Variants in MED12 observed in about 807,000 individuals in gnomAD.
MED12 encodes the protein mediator complex subunit 12.
A neutral mutation model predicts 177.7 loss-of-function variants in MED12; 10 were observed. The ratio of observed to expected loss-of-function variants is 0.06; its 90% CI spans 0.03 to 0.10. The LOEUF (loss-of-function observed/expected upper bound fraction) is 0.10. MED12 is among the 10% of genes least tolerant of loss of function. MED12 has a pLI of 1.00. For missense variants in MED12, 867 were observed against 1,780.8 expected (o/e 0.49, Z 9.23); for synonymous variants, 641 against 678.4 (o/e 0.94, Z 0.86).
chrX:71,140,518 G>A (rs988395976), intron 41 of MED12, 117 bp from the exon 42 acceptor site: 30 of 1,174,566 alleles, frequency 2.6e-5, no homozygotes, highest in African/African-American at 3.5e-5. Flanking sequence ...TTAGTGACAC[G>A]AGGAATGAAT....
At chrX:71,137,511 G>A in intron 39 of MED12, 47 bp from the exon 40 acceptor site, 1 of 1,168,045 alleles carries the variant, frequency 8.6e-7, no homozygotes, top group Admixed American at 2.2e-5. Context: ...AGATGAGATG[G>A]CAGCAAGCAT....
At chrX:71,141,424 G>A (rs1019769830) in intron 43 of MED12, 54 bp downstream of exon 43, 8 of 1,155,222 alleles carry the variant, frequency 6.9e-6, no homozygotes, top group African/African-American at 1.8e-5. Flanking sequence ...GGTTGGGCAC[G>A]CAGCCAGTGA....
Position 71,128,991 on chromosome X carries a change from A to G in MED12, c.3476-123A>G, listed in dbSNP as rs1001775782. ...ATATTATCTTGCTTTTTCTCCTTTC[A>G]CTTTACCTCATCTTCTCTCCCATGC... is the stretch of plus-strand genomic sequence containing the variant. On this transcript the variant is annotated intron_variant, in intron 24 of 44. Coordinates refer to ENST00000374080, the MANE Select transcript of MED12 (RefSeq NM_005120.3). The G allele has an allele frequency of 3.6e-5, 22 of 603,932 alleles. No individual in the cohort carries two copies. The African/African-American group carries it at 4.5e-4, about 12-fold the overall frequency. The allele number at this position is 603,932 out of a possible 1,213,427, so 49.8% of individuals were successfully genotyped here.
At chrX:71,122,078 C>G in intron 7 of MED12, 122 bp from the exon 8 acceptor site, 1 of 966,207 alleles carries the variant, frequency 1.0e-6, no homozygotes, top group Non-Finnish European at 1.5e-6. Context: ...TGGAGTGATG[C>G]CTGTCTTGGG....
At chrX:71,136,703 A>T in intron 37 of MED12, 48 bp downstream of exon 37, 2 of 1,200,501 alleles carry the variant, frequency 1.7e-6, no homozygotes, top group Non-Finnish European at 2.2e-6. Context: ...TCACTTCATG[A>T]CGCTCCGGTT....
At chrX:71,133,322 C>A (rs1344457541) in intron 33 of MED12, 110 bp downstream of exon 33, 2 of 525,298 alleles carry the variant, frequency 3.8e-6, no homozygotes, top group African/African-American at 4.8e-5. Flanking sequence ...CCAGGTTATT[C>A]TGAGTCTTGA....
In MED12 at chrX:71,124,307, C is replaced by G; in HGVS notation, c.1893C>G (p.Pro631=). ...ACCTTGCCTTTGGAGCCCCTGGTCC[C>G]CGGCCTCCCTCTCCCTTTGATGATC... The part of the protein sequence containing the change: ...RGDLAFGAPG[P]RPPSPFDDPA... Residue 631 remains proline (P), a synonymous_variant, in exon 13 of 45, where the codon CCC becomes CCG. Transcript: ENST00000374080. 2.5e-6 allele frequency: 3 copies of G among 1,210,462 alleles called. No individual in the cohort carries two copies. Among genetic ancestry groups the G allele is most frequent in the Non-Finnish European group, 3.4e-6 (3 of 894,624 alleles).
At position 71,141,144 on chromosome X, in the gene MED12, TCCTCATCCCCTGC is replaced by T. The variant is rs1197950549; in HGVS notation, c.6268-80_6268-68del. 34 of 1,161,011 alleles carry T rather than the reference TCCTCATCCCCTGC, an allele frequency of 2.9e-5. No individual in the cohort carries two copies. In the Admixed American group the frequency reaches 8.6e-4, roughly 29 times the overall value. On this transcript the variant is annotated intron_variant, in intron 42 of 44. Coordinates refer to ENST00000374080, the MANE Select transcript of MED12 (RefSeq NM_005120.3). ...GTAGACCCCGAGCTCCCACCCTGCTTCCTCATCCCCTGCCCTCAGCCCTTTAGTTCTGAGGCTT... is the reference window on the plus strand; with the variant it reads ...GTAGACCCCGAGCTCCCACCCTGCTTCCTCAGCCCTTTAGTTCTGAGGCTT...
At chrX:71,136,677 G>T in intron 37 of MED12, 22 bp downstream of exon 37, 2 of 1,206,367 alleles carry the variant, frequency 1.7e-6, no homozygotes, top group Non-Finnish European at 2.2e-6. Flanking sequence ...CCCCGTGACA[G>T]TTCTCCCACA....
At chrX:71,129,512 T>C in intron 26 of MED12, 83 bp downstream of exon 26, 1 of 946,569 alleles carries the variant, frequency 1.1e-6, no homozygotes, top group Non-Finnish European at 1.5e-6. Context: ...TCTTTCTCCC[T>C]TCTGAAGGTG....
chrX:71,120,228 C>T, intron 4 of MED12, 58 bp downstream of exon 4: 1 of 1,084,698 alleles, frequency 9.2e-7, no homozygotes, highest in Non-Finnish European at 1.3e-6. Context: ...GATAGAGACA[C>T]CCTTGGAACC....
At chrX:71,119,593 C>T in intron 2 of MED12, 93 bp from the exon 3 acceptor site, 3 of 1,105,786 alleles carry the variant, frequency 2.7e-6, no homozygotes, top group Non-Finnish European at 1.2e-6. Flanking sequence ...GCCTTCATGA[C>T]CTAATACTAT....
chrX:71,124,051 G>T, intron 12 of MED12, 108 bp from the exon 13 acceptor site: 1 of 687,542 alleles, frequency 1.5e-6, no homozygotes, highest in Non-Finnish European at 2.3e-6. Context: ...AACAATTTCT[G>T]GGATTTCTAT....
chrX:71,132,226 G>C lies in MED12; in HGVS notation c.4253+20G>C, dbSNP rs780037595. On this transcript the variant is annotated intron_variant, in intron 30 of 44. Transcript: ENST00000374080. ...GCTCAGGTCGGATAGAAACATGTTA[G>C]GACCCATCCCCTTAGGAGTTTATCT... 2 of 1,207,353 alleles carry C rather than the reference G, an allele frequency of 1.7e-6. No individual in the cohort carries two copies. Among genetic ancestry groups the C allele is most frequent in the Non-Finnish European group, 2.2e-6 (2 of 892,033 alleles).
chrX:71,126,623 G>A, intron 19 of MED12, 139 bp downstream of exon 19: 1 of 801,686 alleles, frequency 1.2e-6, no homozygotes, highest in Non-Finnish European at 1.8e-6. Context: ...CATGGGGGGA[G>A]TGGAACATGA....
At chrX:71,120,257 G>C in intron 4 of MED12, 87 bp downstream of exon 4, 1 of 1,006,148 alleles carries the variant, frequency 9.9e-7, no homozygotes, top group Admixed American at 2.2e-5. Flanking sequence ...TCTTAATCTA[G>C]ATTCCTTGTT....
chrX:71,142,210 C>T lies in MED12; in HGVS notation c.6526C>T (p.Arg2176Cys), dbSNP rs777818556. 6.6e-6 allele frequency: 8 copies of T among 1,208,997 alleles called. No individual in the cohort carries two copies. The highest frequency in any genetic ancestry group is 8.9e-6 in the Non-Finnish European group (8 of 894,239). The change falls in exon 45 of 45, where the codon CGC (arginine) becomes TGC (cysteine). Residue 2176 changes from arginine (R) to cysteine (C), a missense_variant. Physicochemically the swap from Arg to Cys is radical, Grantham distance 180 (BLOSUM62 -3). Transcript: ENST00000374080. ...ACAGCCCAGTACCAACATATTTGGA[C>T]GCTACTGAGCCACCTGGAGGAACTG... The part of the protein sequence containing the change: ...QPQPSTNIFG[R>C]Y
intron 14 of MED12, 65 bp from the exon 15 acceptor site, chrX:71,124,911 A>AT (rs1232361282): frequency 4.4e-5 from 52 of 1,180,647 alleles, no homozygotes; most frequent in Middle Eastern, 4.6e-4. Flanking sequence ...TGCTTTTGGC[A>AT]TGTTTTTTTG....
intron 4 of MED12, among the ~76,000 whole-genome samples, 163 bp from the exon 5 acceptor site, chrX:71,120,808 C>G: frequency 9.0e-6 from 1 of 111,337 alleles, no homozygotes; most frequent in African/African-American, 3.3e-5. Flanking sequence ...CGGGGTTTCA[C>G]CATCTTGGCC....
Sources: gnomAD v4.1 joint callset for allele counts (sites outside exome capture counted in the v4.1 genomes callset) on GRCh38, gnomAD v4.1.1 for gene constraint, MANE v1.5 for transcripts, NCBI Gene and HGNC (gene_info 2026-07-23, HGNC 2026-07-21) for gene names.